The following THRB variants were observed in gnomAD, a reference collection of about 807,000 sequenced individuals.
THRB encodes the protein thyroid hormone receptor beta.
A neutral mutation model predicts 47.8 loss-of-function variants in THRB; 12 were observed. The observed-to-expected ratio is 0.25, with a 90% confidence interval of 0.16 to 0.41. The LOEUF is 0.41. Ranked by LOEUF, THRB falls within the 10% of genes least tolerant of loss-of-function variation. THRB has a pLI of 1.00. For missense variants in THRB, 348 were observed against 589.2 expected (o/e 0.59, Z 4.24); for synonymous variants, 218 against 212.2 (o/e 1.03, Z -0.24).
At chr3:24,489,236 G>A (rs2125944720) in intron 1 of THRB, among the ~76,000 whole-genome samples, 1 of 149,900 alleles carries the variant, frequency 6.7e-6, no homozygotes, top group South Asian at 2.1e-4. Context: ...GCAAGACTCT[G>A]TCGCAAAAAA....
chr3:24,206,091 A>C (rs2045312838), intron 4 of THRB, among the ~76,000 whole-genome samples: 1 of 152,210 alleles, frequency 6.6e-6, no homozygotes, highest in Non-Finnish European at 1.5e-5. Context: ...AGACAGATCA[A>C]CGAGACAGAA....
intron 5 of THRB, among the ~76,000 whole-genome samples, chr3:24,163,513 T>C (rs975851768): frequency 3.3e-5 from 5 of 152,166 alleles, no homozygotes; most frequent in African/African-American, 1.2e-4. Context: ...AGCACATAGA[T>C]TGACAGGTAC....
chr3:24,350,436 A>C (rs926175423), intron 1 of THRB, among the ~76,000 whole-genome samples: 2 of 152,202 alleles, frequency 1.3e-5, no homozygotes, highest in Admixed American at 6.6e-5. Context: ...TGAAAAGCTG[A>C]AAACAATTAA....
chr3:24,165,198 G>T, intron 5 of THRB: 1 of 765,070 alleles, frequency 1.3e-6, no homozygotes, highest in East Asian at 2.4e-5. Flanking sequence ...GCCCAGGCCT[G>T]TTCCATATAT....
chr3:24,185,880 G>T (rs963880570), intron 5 of THRB, among the ~76,000 whole-genome samples: 2 of 152,142 alleles, frequency 1.3e-5, no homozygotes, highest in South Asian at 4.1e-4. Flanking sequence ...CTTCAGGGGA[G>T]GATCAGGGCC....
chr3:24,211,432 C>T (rs2046017011), intron 4 of THRB, among the ~76,000 whole-genome samples: 1 of 152,142 alleles, frequency 6.6e-6, no homozygotes, highest in Non-Finnish European at 1.5e-5. Flanking sequence ...CCCTTCATTG[C>T]TAATATTGAC....
intron 3 of THRB, among the ~76,000 whole-genome samples, chr3:24,267,118 C>T (rs759764022): frequency 1.3e-5 from 2 of 151,824 alleles, no homozygotes; most frequent in African/African-American, 2.4e-5. Flanking sequence ...ACGAGAGAAA[C>T]AAACTGAGAA....
chr3:24,309,790 A>G (rs1490490640), intron 2 of THRB, among the ~76,000 whole-genome samples: 2 of 152,214 alleles, frequency 1.3e-5, no homozygotes, highest in East Asian at 1.9e-4. Context: ...TCAGCAATGC[A>G]CAGAATTTGA....
chr3:24,388,318 A>G (rs2066295040), intron 1 of THRB, among the ~76,000 whole-genome samples: 1 of 152,058 alleles, frequency 6.6e-6, no homozygotes, highest in South Asian at 2.1e-4. Flanking sequence ...TTCTCCCTCT[A>G]TCCACACTCC....
At chr3:24,165,207 A>G (rs2149286185) in intron 5 of THRB, 1 of 765,000 alleles carries the variant, frequency 1.3e-6, no homozygotes, top group Non-Finnish European at 2.4e-6. Context: ...TGTTCCATAT[A>G]TATGTTGTTA....
intron 1 of THRB, among the ~76,000 whole-genome samples, chr3:24,432,318 G>A (rs2070515489): frequency 6.6e-6 from 1 of 152,076 alleles, no homozygotes; most frequent in African/African-American, 2.4e-5. Context: ...TTCTTTCTCT[G>A]TATTTCAAAT....
intron 3 of THRB, among the ~76,000 whole-genome samples, chr3:24,262,069 A>G (rs974983506): frequency 6.6e-6 from 1 of 152,192 alleles, no homozygotes; most frequent in African/African-American, 2.4e-5. Flanking sequence ...CTTGAACTCT[A>G]GACTTGTATA....
intron 4 of THRB, among the ~76,000 whole-genome samples, chr3:24,211,726 C>G (rs2046044508): frequency 6.6e-6 from 1 of 152,206 alleles, no homozygotes; most frequent in Non-Finnish European, 1.5e-5. Context: ...CCTACCTTGG[C>G]TAAGCCACAC....
intron 2 of THRB, among the ~76,000 whole-genome samples, chr3:24,329,739 A>G (rs571970967): frequency 1.3e-5 from 2 of 152,366 alleles, no homozygotes; most frequent in Non-Finnish European, 2.9e-5. Flanking sequence ...CATTTGTTTA[A>G]TGAAAGAAAA....
chr3:24,199,339 C>T (rs2044331942), intron 4 of THRB, among the ~76,000 whole-genome samples: 1 of 152,180 alleles, frequency 6.6e-6, no homozygotes, highest in African/African-American at 2.4e-5. Flanking sequence ...AAGTACGCTG[C>T]CTTTCATTGC....
intron 4 of THRB, among the ~76,000 whole-genome samples, chr3:24,219,455 A>G (rs1253072756): frequency 6.6e-6 from 1 of 152,062 alleles, no homozygotes; most frequent in East Asian, 1.9e-4. Flanking sequence ...TGAGCTGGAG[A>G]GTTTGCTGTT....
chr3:24,375,876 A>G (rs1024874500), intron 1 of THRB, among the ~76,000 whole-genome samples: 22 of 152,156 alleles, frequency 1.4e-4, no homozygotes, highest in Non-Finnish European at 1.5e-5. Context: ...TTGTTTCAAC[A>G]GATGACCATA....
At chr3:24,267,617 A>C (rs1449083022) in intron 3 of THRB, among the ~76,000 whole-genome samples, 2 of 152,210 alleles carry the variant, frequency 1.3e-5, no homozygotes, top group Non-Finnish European at 2.9e-5. Flanking sequence ...ATATTTGATC[A>C]GGTTCATCAT....
intron 4 of THRB, among the ~76,000 whole-genome samples, 182 bp downstream of exon 4, chr3:24,228,756 T>C (rs1264927991): frequency 6.6e-6 from 1 of 152,046 alleles, no homozygotes; most frequent in Non-Finnish European, 1.5e-5. Context: ...TGAGGATGCA[T>C]CTTATATCAG....
Sources: allele counts gnomAD v4.1 joint callset (sites outside exome capture counted in the v4.1 genomes callset), GRCh38; gene constraint gnomAD v4.1.1; transcripts MANE v1.5; gene names NCBI Gene and HGNC (gene_info 2026-07-23, HGNC 2026-07-21).